Variants in SAMD3 observed in about 807,000 individuals in gnomAD.
The protein encoded by SAMD3 is sterile alpha motif domain-containing protein 3.
Under a neutral mutation model 58.5 loss-of-function variants are expected in SAMD3, and 63 were observed. The ratio of observed to expected loss-of-function variants is 1.08; its 90% CI spans 0.88 to 1.33. The LOEUF is 1.33. Among genes scored for constraint, SAMD3 ranks in the 40% most tolerant of loss-of-function variants. SAMD3 has a pLI of 0.00. For missense variants in SAMD3, 604 were observed against 608.4 expected (o/e 0.99, Z 0.08); for synonymous variants, 220 against 210.3 (o/e 1.05, Z -0.40).
intron 7 of SAMD3, among the ~76,000 whole-genome samples, chr6:130,176,903 G>C (rs1791779368): frequency 6.6e-6 from 1 of 151,982 alleles, no homozygotes; most frequent in African/African-American, 2.4e-5. Context: ...CAGAGGATGG[G>C]GTAAAAAATA....
chr6:130,286,583 T>C (rs1775162779), intron 2 of SAMD3, among the ~76,000 whole-genome samples: 1 of 152,232 alleles, frequency 6.6e-6, no homozygotes, highest in African/African-American at 2.4e-5. Flanking sequence ...ACCCTTGGCC[T>C]ACTCATTGAA....
chr6:130,187,310 CT>C (rs957261824), intron 5 of SAMD3, among the ~76,000 whole-genome samples: 12 of 148,306 alleles, frequency 8.1e-5, no homozygotes, highest in African/African-American at 1.2e-4. Context: ...ACTTTCCCTC[CT>C]TTTTTTTTTC....
chr6:130,248,538 G>T (rs74700178), intron 2 of SAMD3, among the ~76,000 whole-genome samples: 2,947 of 152,254 alleles, frequency 0.019, 93 homozygotes, highest in African/African-American at 0.067. Context: ...GAAGTGCACT[G>T]CTTGTTGCCA....
At chr6:130,269,701 T>G (rs1477159109) in intron 2 of SAMD3, among the ~76,000 whole-genome samples, 10 of 135,042 alleles carry the variant, frequency 7.4e-5, no homozygotes, top group Non-Finnish European at 1.6e-5. Flanking sequence ...ATTGTGTCCT[T>G]TTCATTTTAA....
At chr6:130,323,907 G>A (rs1162762328) in intron 1 of SAMD3, among the ~76,000 whole-genome samples, 5 of 150,936 alleles carry the variant, frequency 3.3e-5, no homozygotes, top group Non-Finnish European at 5.9e-5. Context: ...TCTTTTAAGT[G>A]CTGGCTATGC....
intron 1 of SAMD3, among the ~76,000 whole-genome samples, chr6:130,350,053 G>C (rs561281863): frequency 6.6e-6 from 1 of 152,096 alleles, no homozygotes; most frequent in Non-Finnish European, 1.5e-5. Context: ...AATAAATTAG[G>C]TATTGATGTG....
intron 8 of SAMD3, among the ~76,000 whole-genome samples, chr6:130,157,296 A>G (rs966005784): frequency 4.6e-5 from 7 of 151,870 alleles, no homozygotes; most frequent in Non-Finnish European, 1.0e-4. Flanking sequence ...AAATAAGAGA[A>G]ATTTTCAAAA....
intron 2 of SAMD3, among the ~76,000 whole-genome samples, chr6:130,255,470 T>G (rs2326946): frequency 0.42 from 63,113 of 151,908 alleles, 14,197 homozygotes; most frequent in African/African-American, 0.58. Context: ...TATATATTTA[T>G]GTGTTCAAAT....
At chr6:130,222,210 C>T (rs1796254883) in intron 1 of SAMD3, among the ~76,000 whole-genome samples, 1 of 152,124 alleles carries the variant, frequency 6.6e-6, no homozygotes, top group Admixed American at 6.5e-5. Context: ...TACATTCTGA[C>T]CCCAAAATAG....
At chr6:130,160,137 C>A (rs924288559) in intron 8 of SAMD3, 1 of 152,106 alleles carries the variant, frequency 6.6e-6, no homozygotes, top group African/African-American at 2.4e-5. Context: ...AAGTATAAAT[C>A]CTTGAAAAAA....
rs578185469 is a variant in SAMD3, at chr6:130,280,193, A to G, written c.-188+32785T>C. On this transcript the variant is annotated intron_variant, in intron 2 of 13. Transcript: ENST00000368134. ...GGCTCATCATAATCTTTGTTTTCCTATTTACTGAAGCTATTCTCTTGCAGC... is the reference window on the plus strand; with the variant it reads ...GGCTCATCATAATCTTTGTTTTCCTGTTTACTGAAGCTATTCTCTTGCAGC... 1.6e-4 allele frequency among the ~76,000 whole-genome samples: 25 copies of G among 152,166 alleles called. No individual in the cohort carries two copies. The East Asian group carries it at 4.8e-3, about 29-fold the overall frequency.
chr6:130,252,243 G>GTA (rs1210681596), intron 2 of SAMD3, among the ~76,000 whole-genome samples: 1 of 152,038 alleles, frequency 6.6e-6, no homozygotes, highest in African/African-American at 2.4e-5. Context: ...ATTTTGAAGG[G>GTA]TATATATATC....
intron 1 of SAMD3, among the ~76,000 whole-genome samples, chr6:130,347,007 G>T (rs1033506372): frequency 6.6e-6 from 1 of 152,206 alleles, no homozygotes; most frequent in African/African-American, 2.4e-5. Flanking sequence ...CAACAGACCT[G>T]CAGCTGAGGG....
Position 130,176,506 on chromosome 6 carries a change from G to C in SAMD3, c.655-498C>G, listed in dbSNP as rs79592589. Among the ~76,000 whole-genome samples the C allele has an allele frequency of 8.0e-3, 1,219 of 152,310 alleles. 27 individuals carry two copies. Among genetic ancestry groups the C allele is most frequent in the African/African-American group, 0.028 (1,183 of 41,558 alleles). ...CCTAAGTGTGTGTGGTGCCTCTACTGTTTCAAACAAAAAGACCAACTCCCC... is the reference window on the plus strand; with the variant it reads ...CCTAAGTGTGTGTGGTGCCTCTACTCTTTCAAACAAAAAGACCAACTCCCC... On this transcript the variant is annotated intron_variant, in intron 7 of 11. Transcript: ENST00000439090.
At chr6:130,279,289 TC>T (rs1415217327) in intron 2 of SAMD3, among the ~76,000 whole-genome samples, 3 of 152,012 alleles carry the variant, frequency 2.0e-5, no homozygotes, top group African/African-American at 7.3e-5. Context: ...GGTATGTGAA[TC>T]ATGGGGGCGG....
At chr6:130,173,987 C>G (rs557214797) in intron 8 of SAMD3, among the ~76,000 whole-genome samples, 3 of 152,338 alleles carry the variant, frequency 2.0e-5, no homozygotes, top group African/African-American at 7.2e-5. Flanking sequence ...CAGGAGAAAA[C>G]TGCCTACTAA....
At chr6:130,181,712 G>T (rs1792345373) in intron 7 of SAMD3, among the ~76,000 whole-genome samples, 1 of 152,156 alleles carries the variant, frequency 6.6e-6, no homozygotes, top group East Asian at 1.9e-4. Flanking sequence ...AATAGTATTG[G>T]TTACTTATGG....
chr6:130,314,621 CA>C (rs1776298134), intron 1 of SAMD3, among the ~76,000 whole-genome samples: 1 of 152,098 alleles, frequency 6.6e-6, no homozygotes, highest in Non-Finnish European at 1.5e-5. Flanking sequence ...GGGATTTAGC[CA>C]TAAGAAGTAA....
intron 2 of SAMD3, among the ~76,000 whole-genome samples, chr6:130,311,744 GA>G (rs11284707): frequency 0.15 from 22,321 of 151,082 alleles, 2,067 homozygotes; most frequent in East Asian, 0.36. Context: ...GAGGAGAGGG[GA>G]AAAAAGAGCC....
Sources: allele counts gnomAD v4.1 joint callset (sites outside exome capture counted in the v4.1 genomes callset), GRCh38; gene constraint gnomAD v4.1.1; transcripts MANE v1.5; gene names NCBI Gene and HGNC (gene_info 2026-07-23, HGNC 2026-07-21).